Variants in LRRC7 observed in about 807,000 individuals in gnomAD.
The protein encoded by LRRC7 is leucine rich repeat containing 7, also known as leucine-rich repeat-containing protein 7.
A neutral mutation model predicts 175.7 loss-of-function variants in LRRC7; 23 were observed. The observed-to-expected ratio is 0.13, with a 90% CI of 0.09 to 0.19. LRRC7 has a LOEUF of 0.19. Among genes scored for constraint, LRRC7 ranks in the 10% least tolerant of loss-of-function variants. The pLI is 1.00. For missense variants in LRRC7, 1,354 were observed against 1,904.7 expected (o/e 0.71, Z 5.38); for synonymous variants, 685 against 680.9 (o/e 1.01, Z -0.09).
At chr1:69,996,777 T>A (rs558713355) in intron 11 of LRRC7, among the ~76,000 whole-genome samples, 192 of 152,078 alleles carry the variant, frequency 1.3e-3, no homozygotes, top group African/African-American at 4.4e-3. Context: ...TTGGTACCAG[T>A]ACCATGCTGT....
chr1:69,930,239 C>T (rs1009977824), intron 7 of LRRC7, among the ~76,000 whole-genome samples: 2 of 152,278 alleles, frequency 1.3e-5, no homozygotes, highest in African/African-American at 4.8e-5. Context: ...TACCCCAGAT[C>T]AGCACATAAT....
At chr1:70,013,181 G>A (rs963119345) in intron 13 of LRRC7, 92 bp downstream of exon 13, 36 of 669,504 alleles carry the variant, frequency 5.4e-5, no homozygotes, top group South Asian at 3.7e-4. Flanking sequence ...CATTTTCTGC[G>A]TTTCGACATA....
At chr1:69,577,439 C>A (rs542395935) in intron 1 of LRRC7, among the ~76,000 whole-genome samples, 1 of 152,284 alleles carries the variant, frequency 6.6e-6, no homozygotes, top group Non-Finnish European at 1.5e-5. Flanking sequence ...GTGTTTTAGA[C>A]AGCAAGTCCT....
At chr1:69,622,579 C>G (rs2764532) in intron 1 of LRRC7, among the ~76,000 whole-genome samples, 19,516 of 152,094 alleles carry the variant, frequency 0.13, 1,596 homozygotes, top group South Asian at 0.19. Context: ...GAAGTACTGG[C>G]TCTTGCGAAA....
intron 2 of LRRC7, among the ~76,000 whole-genome samples, chr1:69,691,987 A>C (rs1000035511): frequency 9.2e-5 from 14 of 152,136 alleles, no homozygotes; most frequent in Non-Finnish European, 2.1e-4. Context: ...AAAGATTTTT[A>C]TGATGCTTGA....
rs1439026962 is a variant in LRRC7, at chr1:70,038,123, T to A, written c.2299T>A (p.Ser767Thr). 1.9e-6 allele frequency: 3 copies of A among 1,608,134 alleles called. No individual in the cohort carries two copies. The East Asian group carries it at 6.7e-5, about 36-fold the overall frequency. ...NSLWGNRIAP[S>T]FPQPLDSKPL... ...CCATTGTGTTCACAGGATTGCACCA[T>A]CTTTCCCACAGCCTCTTGATTCAAA... Residue 767 changes from serine to threonine, a missense_variant, in exon 21 of 27, where the codon TCT becomes ACT. Physicochemically the swap from Ser to Thr is moderately conservative, Grantham distance 58. Around this residue, in one of 4 missense-constraint regions of LRRC7, gnomAD observed 1,032 missense variants for 1,227.2 expected, o/e 0.84. Transcript: ENST00000651989.
At chr1:70,100,757 G>A (rs536292403) in intron 25 of LRRC7, among the ~76,000 whole-genome samples, 9 of 151,892 alleles carry the variant, frequency 5.9e-5, no homozygotes, top group Non-Finnish European at 1.2e-4. Context: ...TAACTGGTTT[G>A]TGATGTCCTT....
At chr1:69,871,471 A>G (rs1685528581) in intron 7 of LRRC7, among the ~76,000 whole-genome samples, 1 of 152,072 alleles carries the variant, frequency 6.6e-6, no homozygotes, top group African/African-American at 2.4e-5. Flanking sequence ...ATGCATAATT[A>G]TATTCAGTTT....
intron 3 of LRRC7, among the ~76,000 whole-genome samples, chr1:69,788,686 G>A (rs1195014403): frequency 6.6e-6 from 1 of 151,954 alleles, no homozygotes; most frequent in African/African-American, 2.4e-5. Flanking sequence ...TCTTCTGATT[G>A]CTCTCTCGTG....
intron 8 of LRRC7, among the ~76,000 whole-genome samples, chr1:69,964,474 G>C (rs1366585705): frequency 6.6e-6 from 1 of 152,088 alleles, no homozygotes; most frequent in Non-Finnish European, 1.5e-5. Flanking sequence ...CCACTCATTG[G>C]ACAGTCATGA....
intron 1 of LRRC7, among the ~76,000 whole-genome samples, chr1:69,664,743 A>G (rs112840364): frequency 0.022 from 3,397 of 152,212 alleles, 53 homozygotes; most frequent in Non-Finnish European, 0.035. Context: ...ATCTTCTCCA[A>G]TTCTGTGGGT....
chr1:69,943,311 G>A (rs952632763), intron 8 of LRRC7, among the ~76,000 whole-genome samples: 2 of 152,062 alleles, frequency 1.3e-5, no homozygotes, highest in African/African-American at 4.8e-5. Flanking sequence ...CTACAACGTG[G>A]TTAAACCTTG....
At chr1:69,675,680 T>A (rs1659664351) in intron 1 of LRRC7, among the ~76,000 whole-genome samples, 1 of 152,138 alleles carries the variant, frequency 6.6e-6, no homozygotes, top group Admixed American at 6.6e-5. Context: ...AATTGTGCGA[T>A]GAATTAATTC....
At chr1:69,677,138 AAC>A (rs1659866149) in intron 1 of LRRC7, among the ~76,000 whole-genome samples, 1 of 150,926 alleles carries the variant, frequency 6.6e-6, no homozygotes, top group African/African-American at 2.4e-5. Context: ...GGTATATATA[AAC>A]ACATATACAT....
At chr1:69,787,907 T>A (rs1244307985) in intron 3 of LRRC7, among the ~76,000 whole-genome samples, 3 of 152,022 alleles carry the variant, frequency 2.0e-5, no homozygotes, top group Non-Finnish European at 4.4e-5. Context: ...TATCACTCCC[T>A]TTCTTCATTC....
chr1:70,045,478 A>G (rs17131156), intron 22 of LRRC7, among the ~76,000 whole-genome samples: 19,534 of 152,116 alleles, frequency 0.13, 1,726 homozygotes, highest in African/African-American at 0.24. Flanking sequence ...TACTTTAATG[A>G]AACCTGTTCT....
At chr1:69,618,704 A>G (rs1650075357) in intron 1 of LRRC7, among the ~76,000 whole-genome samples, 1 of 152,122 alleles carries the variant, frequency 6.6e-6, no homozygotes, top group African/African-American at 2.4e-5. Context: ...CTTTCTGGTA[A>G]TATTCTACTT....
chr1:70,144,347 A>T lies in LRRC7; in HGVS notation c.*22460A>T, dbSNP rs1667217301. On this transcript the variant is annotated 3_prime_UTR_variant, in exon 27 of 27. Coordinates refer to ENST00000651989, the MANE Select transcript of LRRC7 (RefSeq NM_001370785.2). ...GTCTCCTTATTGTATAAATAATAAA[A>T]TGTCACCTTATTGTAAAGTGTCTTT... 6.6e-6 allele frequency: 1 copy of T among 152,194 alleles called. No individual in the cohort carries two copies. The highest frequency in any genetic ancestry group is 1.5e-5 in the Non-Finnish European group (1 of 68,044). 9.4% of individuals were successfully genotyped at this position (152,194 alleles called of 1,614,324 possible). A position where few individuals can be genotyped will look rare whatever the true frequency, so the allele number is the denominator to read the frequency against.
intron 7 of LRRC7, among the ~76,000 whole-genome samples, chr1:69,924,433 G>T (rs993235467): frequency 6.6e-6 from 1 of 152,196 alleles, no homozygotes; most frequent in Non-Finnish European, 1.5e-5. Flanking sequence ...TCCTACCCAT[G>T]AGCATAGAAT....
Sources: allele counts gnomAD v4.1 joint callset (sites outside exome capture counted in the v4.1 genomes callset), GRCh38; gene constraint gnomAD v4.1.1; regional missense constraint gnomAD v4.1.1; transcripts MANE v1.5; gene names NCBI Gene and HGNC (gene_info 2026-07-23, HGNC 2026-07-21).